TPTE2: variants seen among roughly 807,000 people sequenced by gnomAD.
TPTE2 encodes phosphatidylinositol 3,4,5-trisphosphate 3-phosphatase TPTE2.
Under a neutral mutation model 78.6 loss-of-function variants are expected in TPTE2, and 53 were observed. The observed-to-expected ratio is 0.67, with a 90% CI of 0.54 to 0.85. TPTE2 has a LOEUF of 0.85. Among genes scored for constraint, TPTE2 ranks in the 40% least tolerant of loss-of-function variants. TPTE2 has a pLI of 0.00. For synonymous variants in TPTE2, 175 were observed against 206.2 expected, an observed-to-expected ratio of 0.85 and a Z score of 1.30; for missense variants, 461 against 623.0, an observed-to-expected ratio of 0.74 and a Z score of 2.77.
chr13:19,550,499 C>T, the TPTE2 span, among the ~76,000 whole-genome samples: 2 of 152,070 alleles, frequency 1.3e-5, no homozygotes, highest in African/African-American at 4.8e-5. Context: ...CTGTATACAA[C>T]GGAAAACAGT....
intron 10 of TPTE2, among the ~76,000 whole-genome samples, chr13:19,462,083 T>A (rs907157196): frequency 6.9e-5 from 10 of 144,776 alleles, no homozygotes; most frequent in African/African-American, 2.4e-4. Flanking sequence ...TGTATATCCT[T>A]TGTTCTTTTC....
the TPTE2 span, chr13:19,561,021 G>A: frequency 1.9e-6 from 3 of 1,577,348 alleles, no homozygotes; most frequent in Middle Eastern, 3.5e-4. Flanking sequence ...CCACAGACCA[G>A]GCAGAGGCGC....
intron 1 of TPTE2, among the ~76,000 whole-genome samples, chr13:19,498,345 G>C (rs1442792392): frequency 6.6e-6 from 1 of 152,006 alleles, no homozygotes; most frequent in South Asian, 2.1e-4. Flanking sequence ...ACACATAATT[G>C]TCAGATTCAC....
At chr13:19,506,460 A>C (rs1869056859), upstream of TPTE2, among the ~76,000 whole-genome samples, 1 of 152,086 alleles carries the variant, frequency 6.6e-6, no homozygotes, top group Non-Finnish European at 1.5e-5. Context: ...GGCGTGAGCC[A>C]CCGCACCTGG....
intron 3 of TPTE2, among the ~76,000 whole-genome samples, chr13:19,491,398 A>G (rs532466000): frequency 6.6e-6 from 1 of 152,326 alleles, no homozygotes; most frequent in South Asian, 2.1e-4. Flanking sequence ...TACATATATA[A>G]TAAGTGAGGG....
At chr13:19,558,265 C>A in the TPTE2 span, among the ~76,000 whole-genome samples, 9 of 152,072 alleles carry the variant, frequency 5.9e-5, no homozygotes, top group Admixed American at 5.2e-4. Context: ...TTTTTTGATT[C>A]ATCTCCCTAC....
intron 1 of TPTE2, among the ~76,000 whole-genome samples, chr13:19,494,890 T>C (rs914866465): frequency 2.0e-5 from 3 of 152,196 alleles, no homozygotes; most frequent in African/African-American, 7.2e-5. Context: ...TACACTTTAA[T>C]TATTCACATG....
intron 1 of TPTE2, among the ~76,000 whole-genome samples, chr13:19,523,901 G>A (rs1057325865): frequency 6.6e-6 from 1 of 152,202 alleles, no homozygotes; most frequent in African/African-American, 2.4e-5. Flanking sequence ...GAGATGCCCT[G>A]GAAGTGTGCC....
At chr13:19,539,495 C>G (rs1871377696), upstream of TPTE2, among the ~76,000 whole-genome samples, 3 of 152,168 alleles carry the variant, frequency 2.0e-5, no homozygotes, top group African/African-American at 7.2e-5. Flanking sequence ...GCCTCCCCAG[C>G]CATGTGGAAC....
intron 16 of TPTE2, 85 bp from the exon 20 acceptor site, chr13:19,430,632 A>G: frequency 2.3e-6 from 2 of 881,672 alleles, no homozygotes; most frequent in Non-Finnish European, 3.5e-6. Flanking sequence ...TGGATTAAAA[A>G]GAGAAAAAAT....
upstream of TPTE2, among the ~76,000 whole-genome samples, chr13:19,539,759 C>A (rs561360850): frequency 1.3e-5 from 2 of 152,186 alleles, no homozygotes; most frequent in Non-Finnish European, 2.9e-5. Context: ...AACTCCCTCA[C>A]CTTGTCCTCT....
intron 17 of TPTE2, among the ~76,000 whole-genome samples, chr13:19,427,799 C>T (rs866515726): frequency 6.6e-6 from 1 of 152,126 alleles, no homozygotes; most frequent in African/African-American, 2.4e-5. Context: ...ACTTTGAAGC[C>T]GTACTAGTTC....
At chr13:19,544,060 C>CAAAAAAAAAAAAAA in the TPTE2 span, among the ~76,000 whole-genome samples, 22 of 31,980 alleles carry the variant, frequency 6.9e-4, no homozygotes, top group South Asian at 2.8e-3. Context: ...GAACCTGTCT[C>CAAAAAAAAAAAAAA]AAAAAAAAAA....
At chr13:19,559,663 C>G in the TPTE2 span, among the ~76,000 whole-genome samples, 3 of 151,530 alleles carry the variant, frequency 2.0e-5, no homozygotes, top group Non-Finnish European at 4.4e-5. Context: ...GCATCACCCA[C>G]TGGGAGACTG....
intron 19 of TPTE2, among the ~76,000 whole-genome samples, chr13:19,423,685 T>C (rs1875776458): frequency 6.6e-6 from 1 of 152,184 alleles, no homozygotes; most frequent in African/African-American, 2.4e-5. Context: ...CATTTTTGGC[T>C]AAACAACAAT....
chr13:19,462,007 A>C (rs1443085714), intron 10 of TPTE2, among the ~76,000 whole-genome samples: 1 of 149,890 alleles, frequency 6.7e-6, no homozygotes, highest in African/African-American at 2.5e-5. Context: ...TTTACATTAC[A>C]TTCAAGGTTA....
intron 1 of TPTE2, among the ~76,000 whole-genome samples, chr13:19,521,037 A>G (rs1017915175): frequency 2.0e-5 from 3 of 151,980 alleles, no homozygotes; most frequent in African/African-American, 7.2e-5. Context: ...GGAATGTTCC[A>G]TGTGCACTTA....
intron 1 of TPTE2, among the ~76,000 whole-genome samples, chr13:19,495,573 G>C (rs534046052): frequency 4.6e-5 from 7 of 152,148 alleles, no homozygotes; most frequent in African/African-American, 1.7e-4. Flanking sequence ...AGTTTCAAGG[G>C]AACTCCTTGT....
chr13:19,424,244 C>CA (rs200288566), intron 19 of TPTE2, among the ~76,000 whole-genome samples: 91 of 151,500 alleles, frequency 6.0e-4, no homozygotes, highest in African/African-American at 1.8e-3. Flanking sequence ...ATGGTTGATA[C>CA]AAAAAAAAAT....
Sources: allele counts gnomAD v4.1 joint callset (sites outside exome capture counted in the v4.1 genomes callset), GRCh38; gene constraint gnomAD v4.1.1; transcripts MANE v1.5; gene names NCBI Gene and HGNC (gene_info 2026-07-23, HGNC 2026-07-21).